FYB1: variants seen among roughly 807,000 people sequenced by gnomAD.
The protein encoded by FYB1 is FYN-binding protein 1.
A neutral mutation model predicts 94.1 loss-of-function variants in FYB1; 41 were observed. That is an observed-to-expected ratio of 0.44 (90% CI 0.34 to 0.57). The LOEUF (loss-of-function observed/expected upper bound fraction) is 0.57, where lower values mean the gene tolerates loss of function less well. Ranked by LOEUF, FYB1 falls within the 20% of genes least tolerant of loss-of-function variation. The pLI, the probability that FYB1 is intolerant of heterozygous loss-of-function variation, is 0.02. For synonymous variants in FYB1, 367 were observed against 353.2 expected (o/e 1.04, Z -0.44); for missense variants, 1,050 against 976.8 (o/e 1.07, Z -1.00).
rs1738630016 is a variant in FYB1, at chr5:39,107,426, A to G, written c.*17T>C. ...ATTGGCACCTAATGAACACAGCAGA[A>G]TGACCAAAGTTGAGTGCTAGTCATT... On this transcript the variant is annotated 3_prime_UTR_variant, in exon 19 of 19. Transcript: ENST00000512982. The G allele has an allele frequency of 1.3e-6, 2 of 1,528,282 alleles. No homozygotes were observed. Among genetic ancestry groups the G allele is most frequent in the African/African-American group, 1.4e-5 (1 of 72,426 alleles). The allele number at this position is 1,528,282 out of a possible 1,614,324, so 94.7% of individuals were successfully genotyped here.
rs185028907 is a variant in FYB1 at position 39,156,230 on chromosome 5, A to G, written c.1136-2626T>C. Among the ~76,000 whole-genome samples, 542 of 152,274 alleles carry G rather than the reference A, an allele frequency of 3.6e-3. 1 individual carries two copies. The highest frequency in any genetic ancestry group is 0.013 in the African/African-American group (521 of 41,550). On this transcript the variant is annotated intron_variant, in intron 2 of 18. Coordinates refer to ENST00000512982, the MANE Select transcript of FYB1 (RefSeq NM_001465.6). ...AAACCCAGGCTTTCTGCCTTTACAC[A>G]GGCTTATGAGACTCTAATGGGCCCT... is the stretch of plus-strand genomic sequence containing the variant.
chr5:39,108,018 G>T (rs1413197056), intron 18 of FYB1, among the ~76,000 whole-genome samples: 2 of 151,900 alleles, frequency 1.3e-5, no homozygotes, highest in East Asian at 1.9e-4. Flanking sequence ...TGTTTTCAAA[G>T]AAATAAATAA....
intron 8 of FYB1, 127 bp downstream of exon 8, chr5:39,134,728 T>C (rs1277742330): frequency 1.1e-6 from 1 of 913,380 alleles, no homozygotes; most frequent in African/African-American, 1.7e-5. Context: ...TTTAACATTT[T>C]CCTCCCTTTG....
chr5:39,143,235 G>T (rs1012322078), intron 3 of FYB1, among the ~76,000 whole-genome samples: 14 of 151,776 alleles, frequency 9.2e-5, no homozygotes, highest in African/African-American at 3.1e-4. Flanking sequence ...CCTCCTTTTA[G>T]CCCAGCCTAA....
chr5:39,145,657 A>G (rs1241374550), intron 3 of FYB1, among the ~76,000 whole-genome samples: 1 of 152,222 alleles, frequency 6.6e-6, no homozygotes, highest in Non-Finnish European at 1.5e-5. Flanking sequence ...AAATACACTG[A>G]CATTGTACAG....
At chr5:39,216,987 C>A (rs1334114555) in intron 1 of FYB1, among the ~76,000 whole-genome samples, 1 of 152,198 alleles carries the variant, frequency 6.6e-6, no homozygotes, top group East Asian at 1.9e-4. Context: ...AACCACTGAG[C>A]TTTCCAAATT....
intron 1 of FYB1, among the ~76,000 whole-genome samples, chr5:39,229,738 G>A (rs1273037631): frequency 6.6e-6 from 1 of 152,152 alleles, no homozygotes; most frequent in Non-Finnish European, 1.5e-5. Context: ...GGGCAATCAG[G>A]TTTAGAGAGG....
chr5:39,187,453 A>C (rs540242687), intron 2 of FYB1, among the ~76,000 whole-genome samples: 1 of 152,274 alleles, frequency 6.6e-6, no homozygotes, highest in African/African-American at 2.4e-5. Context: ...GGTACTTAAC[A>C]TACTAAAACA....
At chr5:39,218,821 C>T (rs1750077544) in intron 1 of FYB1, among the ~76,000 whole-genome samples, 1 of 152,222 alleles carries the variant, frequency 6.6e-6, no homozygotes. Flanking sequence ...CAGCCAAAGG[C>T]TCCGAGGAAA....
intron 17 of FYB1, among the ~76,000 whole-genome samples, chr5:39,110,154 G>A (rs774162611): frequency 2.0e-5 from 3 of 151,996 alleles, no homozygotes; most frequent in African/African-American, 4.8e-5. Flanking sequence ...AGGGCTCCTC[G>A]CCTATTTAAA....
chr5:39,129,933 G>T (rs1741033011), intron 10 of FYB1, among the ~76,000 whole-genome samples: 1 of 152,020 alleles, frequency 6.6e-6, no homozygotes, highest in Admixed American at 6.6e-5. Flanking sequence ...AAGAGAATCA[G>T]TATATCAAAT....
intron 1 of FYB1, among the ~76,000 whole-genome samples, chr5:39,226,002 C>T (rs776735101): frequency 1.3e-5 from 2 of 152,162 alleles, no homozygotes; most frequent in African/African-American, 2.4e-5. Flanking sequence ...CTGCAGGCCT[C>T]TCATGGGTCC....
At chr5:39,266,307 C>A (rs1220764638) in intron 1 of FYB1, among the ~76,000 whole-genome samples, 1 of 152,060 alleles carries the variant, frequency 6.6e-6, no homozygotes, top group Non-Finnish European at 1.5e-5. Context: ...CTTGACTGAG[C>A]CTCTTGAAAG....
intron 1 of FYB1, among the ~76,000 whole-genome samples, chr5:39,209,782 T>C (rs1036574460): frequency 1.3e-5 from 2 of 152,230 alleles, no homozygotes; most frequent in Non-Finnish European, 2.9e-5. Flanking sequence ...CGCATCTCTT[T>C]CCATAATATG....
intron 1 of FYB1, among the ~76,000 whole-genome samples, chr5:39,227,875 T>C (rs1272845019): frequency 2.0e-5 from 3 of 152,236 alleles, no homozygotes; most frequent in African/African-American, 7.2e-5. Flanking sequence ...ATTCTCTTTA[T>C]AGAATTGTTT....
intron 1 of FYB1, among the ~76,000 whole-genome samples, chr5:39,261,036 AT>A (rs928394910): frequency 3.3e-5 from 5 of 152,134 alleles, no homozygotes; most frequent in Admixed American, 2.6e-4. Context: ...TAGTAGAAAT[AT>A]TGAATAATCT....
intron 1 of FYB1, among the ~76,000 whole-genome samples, chr5:39,205,985 T>G (rs1450978271): frequency 6.6e-6 from 1 of 152,244 alleles, no homozygotes; most frequent in Non-Finnish European, 1.5e-5. Flanking sequence ...ATCTCTGTTT[T>G]TCTAATTTGC....
At chr5:39,210,773 G>A (rs1749292327) in intron 1 of FYB1, among the ~76,000 whole-genome samples, 1 of 152,192 alleles carries the variant, frequency 6.6e-6, no homozygotes, top group South Asian at 2.1e-4. Flanking sequence ...CTACTCAGGA[G>A]GCTGATGTGG....
At chr5:39,141,591 A>G (rs985532536) in intron 3 of FYB1, among the ~76,000 whole-genome samples, 4 of 152,160 alleles carry the variant, frequency 2.6e-5, no homozygotes, top group Admixed American at 1.3e-4. Flanking sequence ...GGAGTTCCAG[A>G]CCAGCCTGGG....
Sources: allele counts gnomAD v4.1 joint callset (sites outside exome capture counted in the v4.1 genomes callset), GRCh38; gene constraint gnomAD v4.1.1; transcripts MANE v1.5; gene names NCBI Gene and HGNC (gene_info 2026-07-23, HGNC 2026-07-21).